The following FGFRL1 variants were observed in gnomAD, a reference collection of about 807,000 sequenced individuals.
FGFRL1 encodes the protein fibroblast growth factor receptor-like 1.
Under a neutral mutation model 36.8 loss-of-function variants are expected in FGFRL1, and 24 were observed. The observed-to-expected ratio is 0.65, with a 90% CI of 0.47 to 0.92. The LOEUF (loss-of-function observed/expected upper bound fraction) is 0.92. FGFRL1 is among the 40% of genes least tolerant of loss of function. FGFRL1 has a pLI of 0.00. For missense variants in FGFRL1, 785 were observed against 753.4 expected, an observed-to-expected ratio of 1.04 and a Z score of -0.49; for synonymous variants, 422 against 344.1, an observed-to-expected ratio of 1.23 and a Z score of -2.50.
At chr4:1,022,565 G>A (rs974278736) in intron 3 of FGFRL1, 90 bp downstream of exon 3, 93 of 1,452,896 alleles carry the variant, frequency 6.4e-5, no homozygotes, top group African/African-American at 6.2e-4. Context: ...CCTGGGGCCC[G>A]AGAGTCAGCC....
chr4:1,024,071 A>C lies in FGFRL1; in HGVS notation c.688A>C (p.Ile230Leu), dbSNP rs919516654. 6.2e-7 allele frequency: 1 copy of C among 1,600,138 alleles called. No individual in the cohort carries two copies. Among genetic ancestry groups the C allele is most frequent in the Non-Finnish European group, 8.5e-7 (1 of 1,175,858 alleles). Reference protein sequence around the residue: ...TCRVSNRAGAINATYKVDVIQ... With the variant: ...TCRVSNRAGALNATYKVDVIQ... Reference sequence around the variant, plus strand: ...CCGCGTGTCGAACCGCGCGGGCGCCATCAACGCCACCTACAAGGTGGATGT... The same window carrying C: ...CCGCGTGTCGAACCGCGCGGGCGCCCTCAACGCCACCTACAAGGTGGATGT... The change falls in exon 5 of 7, where the codon ATC (isoleucine) becomes CTC (leucine). Residue 230 changes from isoleucine to leucine, a missense_variant. Transcript: ENST00000510644.
Position 1,022,201 on chromosome 4 carries a change from A to T in FGFRL1, c.80-2A>T. On this transcript the variant is annotated splice_acceptor_variant, in intron 2 of 6. Transcript: ENST00000510644. LOFTEE classifies it high-confidence loss of function. ...CTGACTGTTCCTCGGTCCCACCCGC[A>T]GGCCCCCCAAAGATGGCGGACAAGG... The T allele has an allele frequency of 6.6e-7, 1 of 1,516,704 alleles. No individual in the cohort carries two copies. The highest frequency in any genetic ancestry group is 8.9e-7 in the Non-Finnish European group (1 of 1,129,890). 94.0% of individuals were successfully genotyped at this position (1,516,704 alleles called of 1,614,324 possible).
chr4:1,023,635 C>T lies in FGFRL1; in HGVS notation c.353-6C>T. The T allele has an allele frequency of 1.3e-6, 2 of 1,598,966 alleles. No individual in the cohort carries two copies. The highest frequency in any genetic ancestry group is 1.7e-6 in the Non-Finnish European group (2 of 1,175,022). ...GCCCTCCCTGTGCACCTCCGTCTCT[C>T]TGCAGATGACATTAGCCCAGGGAAG... On this transcript the variant is annotated splice_polypyrimidine_tract_variant and splice_region_variant and intron_variant, in intron 3 of 6. Coordinates refer to ENST00000510644, the MANE Select transcript of FGFRL1 (RefSeq NM_001004356.3). This position sits in a 1 kb window ranked among gnomAD's most constrained non-coding sequence, Gnocchi z 6.0.
Position 1,025,579 on chromosome 4 carries a change from GTACGCA to G in FGFRL1, c.*233_*238del. ...GCACACGTGCTCCCTGAAGGCACACGTACGCACACACGCACATGCACAGATATGCCG... is the reference window on the plus strand; with the variant it reads ...GCACACGTGCTCCCTGAAGGCACACGCACACGCACATGCACAGATATGCCG... On this transcript the variant is annotated 3_prime_UTR_variant, in exon 7 of 7. Coordinates refer to ENST00000510644, the MANE Select transcript of FGFRL1 (RefSeq NM_001004356.3). 1.6e-6 allele frequency: 1 copy of G among 607,326 alleles called. No individual in the cohort carries two copies. Among genetic ancestry groups the G allele is most frequent in the Non-Finnish European group, 2.9e-6 (1 of 350,618 alleles). 37.6% of individuals were successfully genotyped at this position (607,326 alleles called of 1,614,324 possible).
chr4:1,022,601 G>T (rs1265376407), intron 3 of FGFRL1, 126 bp downstream of exon 3: 3 of 1,238,254 alleles, frequency 2.4e-6, no homozygotes, highest in Admixed American at 2.8e-5. Flanking sequence ...GCCTTCCTTC[G>T]GTGCCCTGCC....
At chr4:1,017,032 C>A (rs954922290) in intron 2 of FGFRL1, among the ~76,000 whole-genome samples, 1 of 152,170 alleles carries the variant, frequency 6.6e-6, no homozygotes, top group Admixed American at 6.5e-5. Flanking sequence ...GCAGAAGGCT[C>A]AGCACCTGGA....
In FGFRL1 at chr4:1,025,797, G is replaced by A. The variant is rs1323729765; in HGVS notation, c.*450G>A. 12 of 215,796 alleles carry A rather than the reference G, an allele frequency of 5.6e-5. No individual in the cohort carries two copies. Among genetic ancestry groups the A allele is most frequent in the East Asian group, 1.3e-4 (1 of 7,628 alleles). The allele number at this position is 215,796 out of a possible 1,614,324, so 13.4% of individuals were successfully genotyped here. On this transcript the variant is annotated 3_prime_UTR_variant, in exon 7 of 7. Coordinates refer to ENST00000510644, the MANE Select transcript of FGFRL1 (RefSeq NM_001004356.3). ...GCAGATATGGTATCCGGACACACAC[G>A]TGCACAGATATGCTGCCTGGACACA... is the stretch of plus-strand genomic sequence containing the variant.
chr4:1,013,132 G>C (rs147174451), intron 2 of FGFRL1, among the ~76,000 whole-genome samples: 1 of 152,256 alleles, frequency 6.6e-6, no homozygotes, highest in Non-Finnish European at 1.5e-5. Flanking sequence ...CCCCAGAGCC[G>C]TGACGCACCC....
chr4:1,019,074 G>A (rs1406167917), intron 2 of FGFRL1, among the ~76,000 whole-genome samples: 4 of 152,218 alleles, frequency 2.6e-5, no homozygotes, highest in Non-Finnish European at 5.9e-5. Flanking sequence ...GACCACAGGC[G>A]GGGGTCCCGC....
At chr4:1,014,225 C>T (rs891140558) in intron 2 of FGFRL1, among the ~76,000 whole-genome samples, 8 of 152,142 alleles carry the variant, frequency 5.3e-5, no homozygotes, top group South Asian at 2.1e-4. Context: ...TTTAAAAGTT[C>T]CTCTTTTCCC....
rs745887685 is a variant in FGFRL1 at position 1,024,571 on chromosome 4, C to T, written c.979C>T (p.Arg327Cys). 10 of 1,612,330 alleles carry T rather than the reference C, an allele frequency of 6.2e-6. No homozygotes were observed. Among genetic ancestry groups the T allele is most frequent in the South Asian group, 3.3e-5 (3 of 91,086 alleles). The change falls in exon 6 of 7, where the codon CGT becomes TGT. Residue 327 changes from arginine (R) to cysteine (C), a missense_variant. Coordinates refer to ENST00000510644, the MANE Select transcript of FGFRL1 (RefSeq NM_001004356.3). ...GSYLNKLLIT[R>C]ARQDDAGMYI... is the part of the protein sequence containing the mutation. ...CTACCTCAATAAGCTGCTCATCACCCGTGCCCGCCAGGACGATGCGGGCAT... is the reference window on the plus strand; with the variant it reads ...CTACCTCAATAAGCTGCTCATCACCTGTGCCCGCCAGGACGATGCGGGCAT...
chr4:1,012,967 G>A lies in FGFRL1; in HGVS notation c.79+403G>A, dbSNP rs201740424. 1.6e-4 allele frequency among the ~76,000 whole-genome samples: 24 copies of A among 152,356 alleles called. No individual in the cohort carries two copies. In the East Asian group the frequency reaches 3.7e-3, roughly 23 times the overall value. On this transcript the variant is annotated intron_variant, in intron 2 of 6. Transcript: ENST00000510644. The stretch of plus-strand genomic sequence containing the variant: ...TCTGGGAACCTGCAGAGACCCCCAC[G>A]GAAGGCAGGATGGGCTATGGGAGAT...
intron 2 of FGFRL1, among the ~76,000 whole-genome samples, chr4:1,015,240 G>T (rs1715827695): frequency 6.6e-6 from 1 of 152,244 alleles, no homozygotes; most frequent in Non-Finnish European, 1.5e-5. Flanking sequence ...TCCAGGCCTG[G>T]TGTGTCCAGG....
rs917334753 is a variant in FGFRL1, at chr4:1,025,638, TGCAC to T, written c.*296_*299del. The T allele has an allele frequency of 1.5e-4, 77 of 522,030 alleles. No homozygotes were observed. The highest frequency in any genetic ancestry group is 1.4e-3 in the African/African-American group (75 of 52,088). The allele number at this position is 522,030 out of a possible 1,614,324, so 32.3% of individuals were successfully genotyped here. A position where few individuals can be genotyped will look rare whatever the true frequency, so the allele number is the denominator to read the frequency against. On this transcript the variant is annotated 3_prime_UTR_variant, in exon 7 of 7. Transcript: ENST00000510644. ...TGGGCACACAGATAAGCTGCCCAAATGCACGCACACGCACAGAGACATGCCAGAA... is the reference window on the plus strand; with the variant it reads ...TGGGCACACAGATAAGCTGCCCAAATGCACACGCACAGAGACATGCCAGAA...
rs1560566563 is a variant in FGFRL1 at position 1,025,290 on chromosome 4, T to A, written c.1458T>A (p.Ser486=). ...TCCACACACACACACACACACACTC[T>A]CACACACACTCACACGTGGAGGGCA... The part of the protein sequence containing the change: ...TDIHTHTHTH[S]HTHSHVEGKV... The change falls in exon 7 of 7, where the codon TCT becomes TCA. Residue 486 remains serine, a synonymous_variant. Transcript: ENST00000510644. The A allele has an allele frequency of 6.4e-7, 1 of 1,569,642 alleles. No homozygotes were observed. The highest frequency in any genetic ancestry group is 8.6e-7 in the Non-Finnish European group (1 of 1,157,158).
chr4:1,012,243 C>T (rs1044771735), intron 1 of FGFRL1: 5 of 480,272 alleles, frequency 1.0e-5, no homozygotes, highest in Admixed American at 4.4e-5. Context: ...GGAATCCAGA[C>T]GGTGTTTGGA....
At position 1,012,497 on chromosome 4, in the gene FGFRL1, C is replaced by T. The variant is rs1412490293; in HGVS notation, c.12C>T (p.Ser4=). The part of the protein sequence containing the change: MTP[S]PLLLLLLPPL... Reference sequence around the variant, plus strand: ...CCGGACAGGCCGAGATGACGCCGAGCCCCCTGTTGCTGCTCCTGCTGCCGC... The same window carrying T: ...CCGGACAGGCCGAGATGACGCCGAGTCCCCTGTTGCTGCTCCTGCTGCCGC... The change falls in exon 2 of 7, where the codon AGC becomes AGT. Residue 4 remains serine (S), a synonymous_variant. Transcript: ENST00000510644. 1.9e-6 allele frequency: 3 copies of T among 1,571,510 alleles called. No individual in the cohort carries two copies. Among genetic ancestry groups the T allele is most frequent in the Admixed American group, 3.5e-5 (2 of 56,660 alleles).
intron 2 of FGFRL1, among the ~76,000 whole-genome samples, chr4:1,013,256 C>T (rs964375772): frequency 5.3e-5 from 8 of 152,262 alleles, no homozygotes; most frequent in South Asian, 2.1e-4. Context: ...CATCCGGAGC[C>T]GATGGGTGAC....
Position 1,023,626 on chromosome 4 carries a change from TC to T in FGFRL1, c.353-13del. 1 of 1,591,002 alleles carries T rather than the reference TC, an allele frequency of 6.3e-7. No individual in the cohort carries two copies. The highest frequency in any genetic ancestry group is 8.5e-7 in the Non-Finnish European group (1 of 1,170,958). On this transcript the variant is annotated splice_polypyrimidine_tract_variant and intron_variant, in intron 3 of 6. Coordinates refer to ENST00000510644, the MANE Select transcript of FGFRL1 (RefSeq NM_001004356.3). The surrounding 1 kb of genome is among the most constrained non-coding windows in gnomAD (Gnocchi z 6.0). ...CCCTCACCTGCCCTCCCTGTGCACC[TC>T]CGTCTCTCTGCAGATGACATTAGCC... is the stretch of plus-strand genomic sequence containing the variant.
Sources: allele counts gnomAD v4.1 joint callset (sites outside exome capture counted in the v4.1 genomes callset), GRCh38; gene constraint gnomAD v4.1.1; non-coding constraint Gnocchi (gnomAD v3.1); transcripts MANE v1.5; gene names NCBI Gene and HGNC (gene_info 2026-07-23, HGNC 2026-07-21).